Variants in ART3 observed in about 807,000 individuals in gnomAD.
ART3 encodes the protein ecto-ADP-ribosyltransferase 3.
A neutral mutation model predicts 48.5 loss-of-function variants in ART3; 49 were observed. That is an observed-to-expected ratio of 1.01 (90% CI 0.80 to 1.28). The LOEUF (loss-of-function observed/expected upper bound fraction) is 1.28, where lower values mean the gene tolerates loss of function less well. Ranked by LOEUF, ART3 falls within the 50% of genes most tolerant of loss-of-function variation. The pLI is 0.00. For missense variants in ART3, 438 were observed against 454.3 expected, an observed-to-expected ratio of 0.96 and a Z score of 0.33; for synonymous variants, 145 against 157.2, an observed-to-expected ratio of 0.92 and a Z score of 0.58.
chr4:76,019,265 T>C (rs1385769433), intron 1 of ART3, among the ~76,000 whole-genome samples: 9 of 151,774 alleles, frequency 5.9e-5, no homozygotes, highest in Admixed American at 5.9e-4. Context: ...ATTCTGGTGA[T>C]GGCTTGTATT....
At chr4:76,074,037 A>G (rs1362339765), upstream of ART3, among the ~76,000 whole-genome samples, 1 of 152,078 alleles carries the variant, frequency 6.6e-6, no homozygotes, top group Non-Finnish European at 1.5e-5. Flanking sequence ...TTCTTTGGAC[A>G]TTTTTGTGTT....
chr4:76,103,709 G>A (rs1201573808), intron 8 of ART3, among the ~76,000 whole-genome samples: 1 of 152,112 alleles, frequency 6.6e-6, no homozygotes, highest in Non-Finnish European at 1.5e-5. Context: ...CTGGAGAGAC[G>A]GGTTAGATCG....
chr4:76,079,419 G>A (rs767122386), intron 2 of ART3, among the ~76,000 whole-genome samples: 23 of 152,198 alleles, frequency 1.5e-4, no homozygotes, highest in East Asian at 1.9e-4. Context: ...GACATGTTAC[G>A]TATGAAGGTT....
At chr4:76,053,926 A>G (rs1736375050) in intron 1 of ART3, among the ~76,000 whole-genome samples, 1 of 152,236 alleles carries the variant, frequency 6.6e-6, no homozygotes, top group African/African-American at 2.4e-5. Flanking sequence ...CTGCCTGGAA[A>G]ATGACTGCAC....
intron 5 of ART3, among the ~76,000 whole-genome samples, chr4:76,099,991 C>A (rs1409848159): frequency 6.6e-6 from 1 of 152,196 alleles, no homozygotes; most frequent in Non-Finnish European, 1.5e-5. Flanking sequence ...CTACTGATCA[C>A]TTCCCAGGGA....
chr4:76,026,035 A>G (rs556108905), intron 1 of ART3, among the ~76,000 whole-genome samples: 17 of 152,212 alleles, frequency 1.1e-4, no homozygotes, highest in Middle Eastern at 3.4e-3. Flanking sequence ...AAGCTGCTTT[A>G]CTAAATCCTC....
chr4:76,087,643 A>G lies in ART3; in HGVS notation c.781+5108A>G, dbSNP rs951090556. Among the ~76,000 whole-genome samples the G allele has an allele frequency of 3.2e-4, 49 of 152,218 alleles. 1 individual carries two copies. The highest frequency in any genetic ancestry group is 3.5e-4 in the Non-Finnish European group (24 of 68,032). On this transcript the variant is annotated intron_variant, in intron 3 of 11. Coordinates refer to ENST00000355810, the MANE Select transcript of ART3 (RefSeq NM_001130016.3). ...TGTTTTAAACTTGCCTGTGATTTCCAAGATAAATATATATTGTGAGTTTTT... is the reference window on the plus strand; with the variant it reads ...TGTTTTAAACTTGCCTGTGATTTCCGAGATAAATATATATTGTGAGTTTTT...
At chr4:76,086,897 A>G (rs1372989152) in intron 3 of ART3, among the ~76,000 whole-genome samples, 1 of 152,126 alleles carries the variant, frequency 6.6e-6, no homozygotes, top group Non-Finnish European at 1.5e-5. Flanking sequence ...GCCATAGTTT[A>G]GAGTTATACC....
At chr4:76,063,895 C>T (rs533111215) in intron 1 of ART3, among the ~76,000 whole-genome samples, 147 of 152,260 alleles carry the variant, frequency 9.7e-4, no homozygotes, top group Non-Finnish European at 1.6e-3. Flanking sequence ...ATCAGATTCA[C>T]ATTTCAAAAA....
intron 1 of ART3, among the ~76,000 whole-genome samples, chr4:76,044,937 A>G (rs778940171): frequency 4.6e-5 from 7 of 151,900 alleles, no homozygotes; most frequent in Admixed American, 2.0e-4. Flanking sequence ...GAGGTTAGGA[A>G]CTCCCATTCT....
chr4:76,023,397 A>G (rs1733069851), intron 1 of ART3: 1 of 1,613,988 alleles, frequency 6.2e-7, no homozygotes, highest in East Asian at 2.2e-5. Context: ...AGTCAGAAAG[A>G]TAAGGCAGCA....
At chr4:76,030,577 A>G (rs1271123623) in intron 1 of ART3, among the ~76,000 whole-genome samples, 1 of 152,202 alleles carries the variant, frequency 6.6e-6, no homozygotes, top group Non-Finnish European at 1.5e-5. Flanking sequence ...CATCACCATA[A>G]TTTAGTTCCA....
intron 11 of ART3, among the ~76,000 whole-genome samples, chr4:76,109,190 A>G (rs1729016355): frequency 6.6e-6 from 1 of 152,220 alleles, no homozygotes; most frequent in East Asian, 1.9e-4. Flanking sequence ...CACATTGTAC[A>G]GTAGTACAAA....
At chr4:76,037,251 CT>C (rs59382060) in intron 1 of ART3, among the ~76,000 whole-genome samples, 92,893 of 151,872 alleles carry the variant, frequency 0.61, 29,469 homozygotes, top group East Asian at 0.94. Flanking sequence ...TTGTCTTTAT[CT>C]TTTCCTCTTA....
chr4:76,105,423 T>C, intron 10 of ART3: 1 of 1,137,306 alleles, frequency 8.8e-7, no homozygotes, highest in Non-Finnish European at 1.1e-6. Flanking sequence ...ACTGATGAGA[T>C]AAAGTACCTA....
At chr4:76,043,598 C>A (rs1735200835) in intron 1 of ART3, among the ~76,000 whole-genome samples, 2 of 152,146 alleles carry the variant, frequency 1.3e-5, no homozygotes, top group African/African-American at 4.8e-5. Context: ...CCCACCAAGC[C>A]CACGCCCACC....
At chr4:76,045,893 A>G (rs1735458435) in intron 1 of ART3, among the ~76,000 whole-genome samples, 2 of 152,048 alleles carry the variant, frequency 1.3e-5, no homozygotes, top group African/African-American at 4.8e-5. Context: ...TATAGGCTGT[A>G]TTCATTCCTT....
At position 76,082,208 on chromosome 4, in the gene ART3, C is replaced by A. The variant is rs138071641; in HGVS notation, c.454C>A (p.Pro152Thr). 72 of 1,614,136 alleles carry A rather than the reference C, an allele frequency of 4.5e-5. No individual in the cohort carries two copies. In the African/African-American group the frequency reaches 8.9e-4, roughly 20 times the overall value. ...AAGAGCCCTGCAGTTGCTGAGAAAACCTTGTGAGGCCAGTTCCAAAACTGT... is the reference window on the plus strand; with the variant it reads ...AAGAGCCCTGCAGTTGCTGAGAAAAACTTGTGAGGCCAGTTCCAAAACTGT... ...LTRALQLLRK[P>T]CEASSKTVVY... The change falls in exon 3 of 12, where the codon CCT (proline) becomes ACT (threonine). Residue 152 changes from proline (P) to threonine (T), a missense_variant. Physicochemically the swap from Pro to Thr is conservative, Grantham distance 38. This residue lies in a region of ART3 where 206 missense variants were observed against 205.3 expected (regional missense o/e 1.00). Transcript: ENST00000355810.
intron 1 of ART3, among the ~76,000 whole-genome samples, chr4:76,060,253 CA>C (rs369542023): frequency 3.3e-5 from 5 of 152,126 alleles, no homozygotes; most frequent in African/African-American, 1.2e-4. Flanking sequence ...ATTGTGGAAT[CA>C]TAAGTTACTG....
Sources: gnomAD v4.1 joint callset for allele counts (sites outside exome capture counted in the v4.1 genomes callset) on GRCh38, gnomAD v4.1.1 for gene constraint, gnomAD v4.1.1 regional missense constraint, MANE v1.5 for transcripts, NCBI Gene and HGNC (gene_info 2026-07-23, HGNC 2026-07-21) for gene names.